NTN1: variants seen among roughly 807,000 people sequenced by gnomAD.
NTN1 encodes the protein netrin-1.
A neutral mutation model predicts 54.2 loss-of-function variants in NTN1; 11 were observed. The ratio of observed to expected loss-of-function variants is 0.20; its 90% CI spans 0.13 to 0.34. The LOEUF (loss-of-function observed/expected upper bound fraction) is 0.34. Ranked by LOEUF, NTN1 falls within the 10% of genes least tolerant of loss-of-function variation. The pLI, the probability that NTN1 is intolerant of heterozygous loss-of-function variation, is 1.00. For synonymous variants in NTN1, 371 were observed against 382.0 expected, an observed-to-expected ratio of 0.97 and a Z score of 0.33; for missense variants, 740 against 893.1, an observed-to-expected ratio of 0.83 and a Z score of 2.18.
intron 2 of NTN1, among the ~76,000 whole-genome samples, chr17:9,039,628 G>A (rs948660385): frequency 3.9e-5 from 6 of 152,066 alleles, no homozygotes; most frequent in African/African-American, 1.4e-4. Flanking sequence ...ATATCCATCA[G>A]CCCAAAATGT....
the NTN1 span, among the ~76,000 whole-genome samples, chr17:9,006,852 A>G: frequency 1.3e-5 from 2 of 152,208 alleles, no homozygotes; most frequent in Non-Finnish European, 2.9e-5. Flanking sequence ...CAAGAAAGAT[A>G]TATTAGTAGC....
chr17:9,059,879 A>G (rs1289729586), intron 2 of NTN1, among the ~76,000 whole-genome samples: 1 of 151,062 alleles, frequency 6.6e-6, no homozygotes, highest in Non-Finnish European at 1.5e-5. Context: ...TCAAGAGGGC[A>G]AGTCTAAACC....
chr17:9,098,456 C>G (rs4791778), intron 2 of NTN1, among the ~76,000 whole-genome samples: 80,891 of 152,036 alleles, frequency 0.53, 22,288 homozygotes, highest in East Asian at 0.95. Context: ...GCAGGTCTTG[C>G]AGGATGGCTG....
chr17:9,072,562 C>T (rs1310456694), intron 2 of NTN1, among the ~76,000 whole-genome samples: 1 of 152,128 alleles, frequency 6.6e-6, no homozygotes, highest in East Asian at 1.9e-4. Flanking sequence ...TCCGGAGTAG[C>T]TTTGCGTGCC....
Position 9,158,562 on chromosome 17 carries a change from C to A in NTN1, c.1019-4251C>A, listed in dbSNP as rs373535913. 3.3e-4 allele frequency among the ~76,000 whole-genome samples: 51 copies of A among 152,322 alleles called. 1 individual carries two copies. In the East Asian group the frequency reaches 8.3e-3, roughly 25 times the overall value. On this transcript the variant is annotated intron_variant, in intron 2 of 6. Transcript: ENST00000173229. ...CTGTAGTCTAGGCCAGCTGTTACTT[C>A]CAGTGATAGGGGTCTTTTCCTCTGA...
In NTN1 at chr17:9,179,862, C is replaced by T; in HGVS notation, c.1263C>T (p.Gly421=). ...AAGKTCNQTT[G]QCPCKDGVTG... ...GCAAAACCTGCAACCAAACCACCGG[C>T]CAGTGTCCCTGCAAGGACGGCGTGA... is the stretch of plus-strand genomic sequence containing the variant. The change falls in exon 4 of 7, where the codon GGC becomes GGT. Residue 421 remains glycine (G), a synonymous_variant. Coordinates refer to ENST00000173229, the MANE Select transcript of NTN1 (RefSeq NM_004822.3). 1 of 1,614,138 alleles carries T rather than the reference C, an allele frequency of 6.2e-7. No homozygotes were observed. Among genetic ancestry groups the T allele is most frequent in the Non-Finnish European group, 8.5e-7 (1 of 1,180,026 alleles).
intron 2 of NTN1, among the ~76,000 whole-genome samples, chr17:9,095,217 A>G (rs2092127066): frequency 6.6e-6 from 1 of 152,194 alleles, no homozygotes; most frequent in Non-Finnish European, 1.5e-5. Context: ...TTTCAATTGC[A>G]AACAGTTTCC....
At chr17:9,013,357 C>T in the NTN1 span, among the ~76,000 whole-genome samples, 13 of 151,782 alleles carry the variant, frequency 8.6e-5, no homozygotes, top group African/African-American at 3.1e-4. Context: ...GCTAGGATTA[C>T]AGGCATGCGC....
intron 2 of NTN1, among the ~76,000 whole-genome samples, chr17:9,064,220 T>C (rs2092007964): frequency 6.6e-6 from 1 of 151,976 alleles, no homozygotes; most frequent in Admixed American, 6.6e-5. Context: ...GCTCTATCCA[T>C]GCTTCCATCC....
chr17:9,046,835 T>A (rs889625529), intron 2 of NTN1, among the ~76,000 whole-genome samples: 1 of 151,916 alleles, frequency 6.6e-6, no homozygotes, highest in Non-Finnish European at 1.5e-5. Flanking sequence ...AAATAATCCC[T>A]CTGAAATGAG....
At chr17:9,019,623 G>A (rs2091839314), upstream of NTN1, among the ~76,000 whole-genome samples, 1 of 152,196 alleles carries the variant, frequency 6.6e-6, no homozygotes, top group Non-Finnish European at 1.5e-5. Flanking sequence ...AACCCAGTGG[G>A]GTAGAAAGTA....
intron 2 of NTN1, among the ~76,000 whole-genome samples, chr17:9,025,784 A>C (rs528111010): frequency 1.6e-4 from 25 of 152,320 alleles, no homozygotes; most frequent in Non-Finnish European, 3.2e-4. Context: ...TTTTATGAAA[A>C]GGCCCTGTAG....
intron 2 of NTN1, among the ~76,000 whole-genome samples, chr17:9,127,906 C>T (rs1474137200): frequency 2.0e-5 from 3 of 151,746 alleles, no homozygotes; most frequent in Non-Finnish European, 2.9e-5. Flanking sequence ...CACCTGAGGT[C>T]GGGAGTTCGA....
At chr17:9,023,863 A>G (rs1327928325) in intron 2 of NTN1, among the ~76,000 whole-genome samples, 1 of 152,216 alleles carries the variant, frequency 6.6e-6, no homozygotes, top group Non-Finnish European at 1.5e-5. Context: ...AACTGTTTGT[A>G]GTTTGGGGTC....
chr17:9,226,043 G>C (rs1260293367), intron 6 of NTN1, among the ~76,000 whole-genome samples: 5 of 152,032 alleles, frequency 3.3e-5, no homozygotes, highest in African/African-American at 1.2e-4. Flanking sequence ...CATGAGAAGG[G>C]GCCTGTGGGC....
At chr17:9,113,407 A>C (rs1032776228) in intron 2 of NTN1, among the ~76,000 whole-genome samples, 12 of 152,190 alleles carry the variant, frequency 7.9e-5, no homozygotes, top group African/African-American at 2.7e-4. Flanking sequence ...CTAAAGGCTC[A>C]CAGGAACTTA....
intron 6 of NTN1, among the ~76,000 whole-genome samples, chr17:9,227,380 AC>A (rs1905611474): frequency 1.9e-5 from 1 of 52,770 alleles, no homozygotes; most frequent in South Asian, 6.0e-4. Flanking sequence ...ACCATCACAC[AC>A]CACACACTAT....
chr17:9,026,852 A>T (rs1414270699), intron 2 of NTN1, among the ~76,000 whole-genome samples: 1 of 152,122 alleles, frequency 6.6e-6, no homozygotes, highest in Non-Finnish European at 1.5e-5. Context: ...GGTCGAGCTT[A>T]TGAAAACTTG....
At chr17:9,080,220 C>G (rs999539178) in intron 2 of NTN1, among the ~76,000 whole-genome samples, 5 of 152,256 alleles carry the variant, frequency 3.3e-5, no homozygotes, top group Non-Finnish European at 5.9e-5. Context: ...AATGCAGCCC[C>G]CTGCGTGACC....
Sources: allele counts gnomAD v4.1 joint callset (sites outside exome capture counted in the v4.1 genomes callset), GRCh38; gene constraint gnomAD v4.1.1; transcripts MANE v1.5; gene names NCBI Gene and HGNC (gene_info 2026-07-23, HGNC 2026-07-21).